Variants in RAP2B observed in about 807,000 individuals in gnomAD.
The protein encoded by RAP2B is ras-related protein Rap-2b.
Under a neutral mutation model 14.4 loss-of-function variants are expected in RAP2B, and 6 were observed. That is an observed-to-expected ratio of 0.42 (90% CI 0.23 to 0.82). The LOEUF (loss-of-function observed/expected upper bound fraction) is 0.82. Among genes scored for constraint, RAP2B ranks in the 40% least tolerant of loss-of-function variants. The probability of loss-of-function intolerance (pLI) is 0.30; values close to 1 mark genes in which losing one functional copy is unlikely to be tolerated. For synonymous variants in RAP2B, 118 were observed against 113.2 expected, an observed-to-expected ratio of 1.04 and a Z score of -0.27; for missense variants, 137 against 248.2, an observed-to-expected ratio of 0.55 and a Z score of 3.01.
chr3:153,166,210 C>T lies in RAP2B; in HGVS notation c.*2965C>T, dbSNP rs1713571309. 1.8e-5 allele frequency: 3 copies of T among 166,762 alleles called. No individual in the cohort carries two copies. Among genetic ancestry groups the T allele is most frequent in the Middle Eastern group, 3.4e-3 (1 of 296 alleles). 10.3% of individuals were successfully genotyped at this position (166,762 alleles called of 1,614,324 possible). Reference sequence around the variant, plus strand: ...TCAATGAAAGCAATTTTATGTGTGCCTGAAGCAAGAAAATAGCGTTTTTGG... The same window carrying T: ...TCAATGAAAGCAATTTTATGTGTGCTTGAAGCAAGAAAATAGCGTTTTTGG... On this transcript the variant is annotated 3_prime_UTR_variant, in exon 1 of 1. Coordinates refer to ENST00000323534, the MANE Select transcript of RAP2B (RefSeq NM_002886.4).
At position 153,162,807 on chromosome 3, in the gene RAP2B, C is replaced by T; in HGVS notation, c.114C>T (p.Asp38=). The change falls in exon 1 of 1, where the codon GAC becomes GAT. Residue 38 remains aspartate (D), a synonymous_variant. Coordinates refer to ENST00000323534, the MANE Select transcript of RAP2B (RefSeq NM_002886.4). This position sits in a 1 kb window ranked among gnomAD's most constrained non-coding sequence, Gnocchi z 4.9. ...AGAAGTACGACCCGACCATCGAAGA[C>T]TTTTACCGCAAGGAGATTGAGGTGG... ...FIEKYDPTIE[D]FYRKEIEVDS... The T allele has an allele frequency of 6.2e-7, 1 of 1,614,136 alleles. No homozygotes were observed. The highest frequency in any genetic ancestry group is 8.5e-7 in the Non-Finnish European group (1 of 1,180,040).
At position 153,164,661 on chromosome 3, in the gene RAP2B, A is replaced by G. The variant is rs1406707448; in HGVS notation, c.*1416A>G. 1 of 167,080 alleles carries G rather than the reference A, an allele frequency of 6.0e-6. No individual in the cohort carries two copies. Among genetic ancestry groups the G allele is most frequent in the African/African-American group, 2.4e-5 (1 of 41,456 alleles). 10.3% of individuals were successfully genotyped at this position (167,080 alleles called of 1,614,324 possible). On this transcript the variant is annotated 3_prime_UTR_variant, in exon 1 of 1. Coordinates refer to ENST00000323534, the MANE Select transcript of RAP2B (RefSeq NM_002886.4). The stretch of plus-strand genomic sequence containing the variant: ...CTAACTAATTGTAATTTTTAATTTC[A>G]TGCGTTTAATCATTGTCTCTTCATT...
Position 153,162,644 on chromosome 3 carries a change from C to T in RAP2B, c.-50C>T. 4 of 1,536,318 alleles carry T rather than the reference C, an allele frequency of 2.6e-6. No individual in the cohort carries two copies. Among genetic ancestry groups the T allele is most frequent in the South Asian group, 2.5e-5 (2 of 80,830 alleles). On this transcript the variant is annotated 5_prime_UTR_variant, in exon 1 of 1. Transcript: ENST00000323534. This position sits in a 1 kb window ranked among gnomAD's most constrained non-coding sequence, Gnocchi z 4.9. Reference sequence around the variant, plus strand: ...CCGCCAAGCCCAGCCTTCCCCGGCGCGCAGCCCCGACGGGGCCGCGGCAGG... The same window carrying T: ...CCGCCAAGCCCAGCCTTCCCCGGCGTGCAGCCCCGACGGGGCCGCGGCAGG...
rs1337582006 is a variant in RAP2B at position 153,166,690 on chromosome 3, AC to A, written c.*3446del. ...TTGAGAGTTACGGTTCTTTCGTAGA[AC>A]AATTTCCATGTTGTTAACTGTTGTA... On this transcript the variant is annotated 3_prime_UTR_variant, in exon 1 of 1. Transcript: ENST00000323534. 6.0e-6 allele frequency: 1 copy of A among 167,050 alleles called. No homozygotes were observed. Among genetic ancestry groups the A allele is most frequent in the Admixed American group, 6.5e-5 (1 of 15,282 alleles). 10.3% of individuals were successfully genotyped at this position (167,050 alleles called of 1,614,324 possible). A position where few individuals can be genotyped will look rare whatever the true frequency, so the allele number is the denominator to read the frequency against.
Position 153,162,903 on chromosome 3 carries a change from G to A in RAP2B, c.210G>A (p.Leu70=), listed in dbSNP as rs111524382. The change falls in exon 1 of 1, where the codon CTG becomes CTA. Residue 70 remains leucine (L), a synonymous_variant. Transcript: ENST00000323534. The surrounding 1 kb of genome is among the most constrained non-coding windows in gnomAD (Gnocchi z 4.9). ...AGCAGTTCGCGTCCATGCGGGACCT[G>A]TACATCAAGAACGGCCAGGGCTTCA... ...GTEQFASMRD[L]YIKNGQGFIL... The A allele has an allele frequency of 3.1e-6, 5 of 1,614,060 alleles. No individual in the cohort carries two copies. The highest frequency in any genetic ancestry group is 4.2e-6 in the Non-Finnish European group (5 of 1,180,028).
In RAP2B at chr3:153,163,077, C is replaced by CGG; in HGVS notation, c.387_388dup (p.Glu130GlyfsTer25). 1 of 1,613,954 alleles carries CGG rather than the reference C, an allele frequency of 6.2e-7. No homozygotes were observed. The highest frequency in any genetic ancestry group is 8.5e-7 in the Non-Finnish European group (1 of 1,180,018). On this transcript the variant is annotated frameshift_variant, in exon 1 of 1. Coordinates refer to ENST00000323534, the MANE Select transcript of RAP2B (RefSeq NM_002886.4). LOFTEE classifies it high-confidence loss of function. Reference sequence around the variant, plus strand: ...TGGAGGGTGAGCGCGAGGTCTCGTACGGGGAGGGCAAGGCCCTGGCTGAGG... The same window carrying CGG: ...TGGAGGGTGAGCGCGAGGTCTCGTACGGGGGGAGGGCAAGGCCCTGGCTGAGG...
Position 153,162,655 on chromosome 3 carries a change from C to G in RAP2B, c.-39C>G. On this transcript the variant is annotated 5_prime_UTR_variant, in exon 1 of 1. Transcript: ENST00000323534. This position sits in a 1 kb window ranked among gnomAD's most constrained non-coding sequence, Gnocchi z 4.9. Reference sequence around the variant, plus strand: ...AGCCTTCCCCGGCGCGCAGCCCCGACGGGGCCGCGGCAGGCGCGGCGAGAG... The same window carrying G: ...AGCCTTCCCCGGCGCGCAGCCCCGAGGGGGCCGCGGCAGGCGCGGCGAGAG... 1 of 1,558,298 alleles carries G rather than the reference C, an allele frequency of 6.4e-7. No individual in the cohort carries two copies. The highest frequency in any genetic ancestry group is 8.7e-7 in the Non-Finnish European group (1 of 1,154,204).
At position 153,162,642 on chromosome 3, in the gene RAP2B, CGCGCAGCCCCGACGGG is replaced by C; in HGVS notation, c.-49_-34del. ...AGCCGCCAAGCCCAGCCTTCCCCGG[CGCGCAGCCCCGACGGG>C]GCCGCGGCAGGCGCGGCGAGAGCGC... On this transcript the variant is annotated 5_prime_UTR_variant, in exon 1 of 1. Transcript: ENST00000323534. This position sits in a 1 kb window ranked among gnomAD's most constrained non-coding sequence, Gnocchi z 4.9. The C allele has an allele frequency of 6.5e-7, 1 of 1,528,476 alleles. No individual in the cohort carries two copies. The highest frequency in any genetic ancestry group is 8.8e-7 in the Non-Finnish European group (1 of 1,141,384). The allele number at this position is 1,528,476 out of a possible 1,614,324, so 94.7% of individuals were successfully genotyped here.
rs1446073237 is a variant in RAP2B at position 153,168,544 on chromosome 3, G to A, written c.*5299G>A. ...GCACAGTAGTCTACAGCTCTCTATA[G>A]TAGCTTAATAGCTATTTGCTGAATG... On this transcript the variant is annotated 3_prime_UTR_variant, in exon 1 of 1. Transcript: ENST00000323534. 1 of 157,456 alleles carries A rather than the reference G, an allele frequency of 6.4e-6. No homozygotes were observed. The highest frequency in any genetic ancestry group is 1.5e-5 in the Non-Finnish European group (1 of 68,038). The allele number at this position is 157,456 out of a possible 1,614,324, so 9.8% of individuals were successfully genotyped here. A position where few individuals can be genotyped will look rare whatever the true frequency, so the allele number is the denominator to read the frequency against.
In RAP2B at chr3:153,162,470, G is replaced by A. The variant is rs1713428861; in HGVS notation, c.-224G>A. ...CTGCTGCCGCCGCGGACTGCTGCGG[G>A]GCCCGGACCCGCACCCCAGGGATAC... On this transcript the variant is annotated 5_prime_UTR_variant, in exon 1 of 1. Transcript: ENST00000323534. The surrounding 1 kb of genome is among the most constrained non-coding windows in gnomAD (Gnocchi z 4.9). 1 of 379,434 alleles carries A rather than the reference G, an allele frequency of 2.6e-6. No homozygotes were observed. The highest frequency in any genetic ancestry group is 4.3e-5 in the East Asian group (1 of 23,324). The allele number at this position is 379,434 out of a possible 1,614,324, so 23.5% of individuals were successfully genotyped here.
chr3:153,168,265 T>C lies in RAP2B; in HGVS notation c.*5020T>C, dbSNP rs1713635362. 3 of 167,016 alleles carry C rather than the reference T, an allele frequency of 1.8e-5. No homozygotes were observed. The South Asian group carries it at 6.2e-4, about 35-fold the overall frequency. 10.3% of individuals were successfully genotyped at this position (167,016 alleles called of 1,614,324 possible). A position where few individuals can be genotyped will look rare whatever the true frequency, so the allele number is the denominator to read the frequency against. ...TAATTACAAGTAGTGGATTGCTTAC[T>C]TCAAATTTCTCTTTTACAATTTAGA... On this transcript the variant is annotated 3_prime_UTR_variant, in exon 1 of 1. Transcript: ENST00000323534.
chr3:153,163,491 G>A lies in RAP2B; in HGVS notation c.*246G>A. ...CTTTGCAGCATGTACGTTTCTCCCT[G>A]ATTTTGGTTGATGCATATTTCCCCG... On this transcript the variant is annotated 3_prime_UTR_variant, in exon 1 of 1. Coordinates refer to ENST00000323534, the MANE Select transcript of RAP2B (RefSeq NM_002886.4). 2 of 527,026 alleles carry A rather than the reference G, an allele frequency of 3.8e-6. No homozygotes were observed. The highest frequency in any genetic ancestry group is 5.6e-5 in the South Asian group (2 of 35,420). The allele number at this position is 527,026 out of a possible 1,614,324, so 32.6% of individuals were successfully genotyped here.
rs975920014 is a variant in RAP2B at position 153,166,227 on chromosome 3, C to G, written c.*2982C>G. On this transcript the variant is annotated 3_prime_UTR_variant, in exon 1 of 1. Coordinates refer to ENST00000323534, the MANE Select transcript of RAP2B (RefSeq NM_002886.4). Reference sequence around the variant, plus strand: ...ATGTGTGCCTGAAGCAAGAAAATAGCGTTTTTGGTTTTATCTCATATTTTC... The same window carrying G: ...ATGTGTGCCTGAAGCAAGAAAATAGGGTTTTTGGTTTTATCTCATATTTTC... 1 of 166,384 alleles carries G rather than the reference C, an allele frequency of 6.0e-6. No individual in the cohort carries two copies. The highest frequency in any genetic ancestry group is 1.9e-4 in the East Asian group (1 of 5,202). The allele number at this position is 166,384 out of a possible 1,614,324, so 10.3% of individuals were successfully genotyped here.
rs561198790 is a variant in RAP2B at position 153,164,063 on chromosome 3, A to AT, written c.*830dup. 2,949 of 154,004 alleles carry AT rather than the reference A, an allele frequency of 0.019. 59 individuals are homozygous for AT. Among genetic ancestry groups the AT allele is most frequent in the African/African-American group, 0.05 (1,960 of 39,062 alleles). The allele number at this position is 154,004 out of a possible 1,614,324, so 9.5% of individuals were successfully genotyped here. ...GGGGAGTCTGGGGGAGAATGGTAGT[A>AT]TTTTTTTTTTTTATCAGCTGTGAAA... On this transcript the variant is annotated 3_prime_UTR_variant, in exon 1 of 1. Transcript: ENST00000323534.
In RAP2B at chr3:153,165,140, T is replaced by A. The variant is rs1253453789; in HGVS notation, c.*1895T>A. 1 of 167,074 alleles carries A rather than the reference T, an allele frequency of 6.0e-6. No individual in the cohort carries two copies. The highest frequency in any genetic ancestry group is 2.4e-5 in the African/African-American group (1 of 41,462). The allele number at this position is 167,074 out of a possible 1,614,324, so 10.3% of individuals were successfully genotyped here. A position where few individuals can be genotyped will look rare whatever the true frequency, so the allele number is the denominator to read the frequency against. ...CCCTCTGTTTATATTGCACATCAAGTCAAAAACATGTTTGGGAAAGATGGT... is the reference window on the plus strand; with the variant it reads ...CCCTCTGTTTATATTGCACATCAAGACAAAAACATGTTTGGGAAAGATGGT... On this transcript the variant is annotated 3_prime_UTR_variant, in exon 1 of 1. Coordinates refer to ENST00000323534, the MANE Select transcript of RAP2B (RefSeq NM_002886.4).
rs1713445966 is a variant in RAP2B, at chr3:153,162,765, G to A, written c.72G>A (p.Val24=). 1.9e-6 allele frequency: 3 copies of A among 1,613,966 alleles called. No homozygotes were observed. The South Asian group carries it at 3.3e-5, about 18-fold the overall frequency. ...VGKSALTVQF[V]TGSFIEKYDP... ...AGTCCGCGCTCACCGTGCAGTTCGT[G>A]ACGGGCTCCTTCATCGAGAAGTACG... is the stretch of plus-strand genomic sequence containing the variant. The change falls in exon 1 of 1, where the codon GTG becomes GTA. Residue 24 remains valine (V), a synonymous_variant. Coordinates refer to ENST00000323534, the MANE Select transcript of RAP2B (RefSeq NM_002886.4). This position sits in a 1 kb window ranked among gnomAD's most constrained non-coding sequence, Gnocchi z 4.9.
Position 153,163,824 on chromosome 3 carries a change from C to T in RAP2B, c.*579C>T, listed in dbSNP as rs540361892. 6.0e-6 allele frequency: 1 copy of T among 166,772 alleles called. No individual in the cohort carries two copies. The highest frequency in any genetic ancestry group is 2.4e-5 in the African/African-American group (1 of 41,352). The allele number at this position is 166,772 out of a possible 1,614,324, so 10.3% of individuals were successfully genotyped here. On this transcript the variant is annotated 3_prime_UTR_variant, in exon 1 of 1. Coordinates refer to ENST00000323534, the MANE Select transcript of RAP2B (RefSeq NM_002886.4). ...GTAGCTGGAAATTAAGATCGGGTTC[C>T]TTTTCTGCCAGCTTGGAAGGGCAAC...
chr3:153,163,389 C>T lies in RAP2B; in HGVS notation c.*144C>T, dbSNP rs1217517541. The T allele has an allele frequency of 8.4e-7, 1 of 1,183,906 alleles. No individual in the cohort carries two copies. 73.3% of individuals were successfully genotyped at this position (1,183,906 alleles called of 1,614,324 possible). A position where few individuals can be genotyped will look rare whatever the true frequency, so the allele number is the denominator to read the frequency against. On this transcript the variant is annotated 3_prime_UTR_variant, in exon 1 of 1. Coordinates refer to ENST00000323534, the MANE Select transcript of RAP2B (RefSeq NM_002886.4). Reference sequence around the variant, plus strand: ...TGGGAGCCCGGCTGGCCTCCGCGGCCGGCGTCCCCTGCCTCCACCCTGTGC... The same window carrying T: ...TGGGAGCCCGGCTGGCCTCCGCGGCTGGCGTCCCCTGCCTCCACCCTGTGC...
chr3:153,163,176 G>A lies in RAP2B; in HGVS notation c.483G>A (p.Val161=), dbSNP rs996127553. 16 of 1,606,462 alleles carry A rather than the reference G, an allele frequency of 1.0e-5. No homozygotes were observed. Among genetic ancestry groups the A allele is most frequent in the Non-Finnish European group, 1.4e-5 (16 of 1,177,064 alleles). The change falls in exon 1 of 1, where the codon GTG becomes GTA. Residue 161 remains valine, a synonymous_variant. Coordinates refer to ENST00000323534, the MANE Select transcript of RAP2B (RefSeq NM_002886.4). ...ASVDELFAEI[V]RQMNYAAQPN... ...TAGACGAGCTATTTGCCGAGATCGT[G>A]CGGCAGATGAACTACGCGGCGCAGC...
Sources: allele counts gnomAD v4.1 joint callset, GRCh38; gene constraint gnomAD v4.1.1; non-coding constraint Gnocchi (gnomAD v3.1); transcripts MANE v1.5; gene names NCBI Gene and HGNC (gene_info 2026-07-23, HGNC 2026-07-21).